TNIK: variants seen among roughly 807,000 people sequenced by gnomAD.
TNIK encodes TRAF2 and NCK-interacting protein kinase.
A neutral mutation model predicts 191.3 loss-of-function variants in TNIK; 49 were observed. The ratio of observed to expected loss-of-function variants is 0.26; its 90% confidence interval spans 0.20 to 0.32. The LOEUF (loss-of-function observed/expected upper bound fraction) is 0.32, where lower values mean the gene tolerates loss of function less well. Among genes scored for constraint, TNIK ranks in the 10% least tolerant of loss-of-function variants. TNIK has a pLI of 1.00. For synonymous variants in TNIK, 594 were observed against 600.9 expected, an observed-to-expected ratio of 0.99 and a Z score of 0.17; for missense variants, 1,155 against 1,702.3, an observed-to-expected ratio of 0.68 and a Z score of 5.66.
At chr3:171,119,220 A>G (rs1727272958) in intron 18 of TNIK, among the ~76,000 whole-genome samples, 1 of 152,246 alleles carries the variant, frequency 6.6e-6, no homozygotes, top group Admixed American at 6.5e-5. Flanking sequence ...CATCAGAGAA[A>G]TGCAAATCAA....
chr3:171,065,877 T>C (rs1718377817), intron 32 of TNIK, among the ~76,000 whole-genome samples: 1 of 152,218 alleles, frequency 6.6e-6, no homozygotes, highest in African/African-American at 2.4e-5. Flanking sequence ...GTGAGATGAT[T>C]AATGATGGGC....
Position 171,061,605 on chromosome 3 carries a change from A to T in TNIK, c.*2276T>A, listed in dbSNP as rs1027423021. On this transcript the variant is annotated 3_prime_UTR_variant, in exon 33 of 33. Coordinates refer to ENST00000436636, the MANE Select transcript of TNIK (RefSeq NM_015028.4). Reference sequence around the variant, plus strand: ...TCAAACTTATCACTTAGAAATAAAAACAAAACAAAACATAAAAACAAAGAT... The same window carrying T: ...TCAAACTTATCACTTAGAAATAAAATCAAAACAAAACATAAAAACAAAGAT... 6.6e-6 allele frequency: 1 copy of T among 152,252 alleles called. No individual in the cohort carries two copies. Among genetic ancestry groups the T allele is most frequent in the Non-Finnish European group, 1.5e-5 (1 of 68,050 alleles). 9.4% of individuals were successfully genotyped at this position (152,252 alleles called of 1,614,324 possible).
intron 28 of TNIK, among the ~76,000 whole-genome samples, chr3:171,077,144 A>C (rs1720074967): frequency 6.9e-6 from 1 of 144,636 alleles, no homozygotes; most frequent in South Asian, 2.3e-4. Flanking sequence ...TCTGCTGATA[A>C]ATGCCCTTCA....
chr3:171,131,061 G>A (rs1729167095), intron 15 of TNIK, among the ~76,000 whole-genome samples: 1 of 144,048 alleles, frequency 6.9e-6, no homozygotes, highest in Non-Finnish European at 1.5e-5. Context: ...GGCCACAGGG[G>A]GCCCTAAAGC....
chr3:171,278,542 C>T (rs1482359391), intron 2 of TNIK, among the ~76,000 whole-genome samples: 2 of 152,082 alleles, frequency 1.3e-5, no homozygotes, highest in East Asian at 1.9e-4. Flanking sequence ...AGTCTGAATG[C>T]CATGACCTTG....
At position 171,069,001 on chromosome 3, in the gene TNIK, T is replaced by C; in HGVS notation, c.3550-4A>G. On this transcript the variant is annotated splice_polypyrimidine_tract_variant and splice_region_variant and intron_variant, in intron 29 of 32. Transcript: ENST00000436636. ...TGTGCTGGAGATCTGCAAAAGACTT[T>C]AAAAATCACCCCATTAGTATCCGCA... 1 of 1,610,692 alleles carries C rather than the reference T, an allele frequency of 6.2e-7. No individual in the cohort carries two copies. The highest frequency in any genetic ancestry group is 8.5e-7 in the Non-Finnish European group (1 of 1,178,450).
Position 171,285,461 on chromosome 3 carries a change from G to A in TNIK, c.124-57240C>T, listed in dbSNP as rs996689639. On this transcript the variant is annotated intron_variant, in intron 2 of 32. Transcript: ENST00000436636. ...AGAGTGGAAACTGATGAGCTTTTCC[G>A]AAGTAGAGCTGGATCCTAATGCCAG... Among the ~76,000 whole-genome samples, 8 of 152,278 alleles carry A rather than the reference G, an allele frequency of 5.3e-5. No individual in the cohort carries two copies. In the East Asian group the frequency reaches 9.7e-4, roughly 18 times the overall value.
chr3:171,230,896 C>T (rs1428306228), intron 2 of TNIK, among the ~76,000 whole-genome samples: 1 of 152,154 alleles, frequency 6.6e-6, no homozygotes, highest in Non-Finnish European at 1.5e-5. Context: ...CAAATAAAAC[C>T]TTAAGTGAAC....
chr3:171,222,042 C>A (rs1480909177), intron 3 of TNIK, among the ~76,000 whole-genome samples: 2 of 152,094 alleles, frequency 1.3e-5, no homozygotes, highest in Non-Finnish European at 2.9e-5. Context: ...AGATATATCC[C>A]ATTTAAGTCC....
intron 1 of TNIK, among the ~76,000 whole-genome samples, chr3:171,383,860 T>C (rs988509581): frequency 3.9e-5 from 6 of 152,112 alleles, no homozygotes; most frequent in Non-Finnish European, 8.8e-5. Flanking sequence ...CCAGTGCACA[T>C]TTCCTGAGCA....
intron 17 of TNIK, among the ~76,000 whole-genome samples, chr3:171,125,635 A>T (rs1163715647): frequency 6.6e-6 from 1 of 152,376 alleles, no homozygotes; most frequent in Middle Eastern, 3.4e-3. Flanking sequence ...GCAAAATGAC[A>T]GTTTGGAATA....
chr3:171,094,990 A>G (rs1259088287), intron 22 of TNIK, among the ~76,000 whole-genome samples: 3 of 152,192 alleles, frequency 2.0e-5, no homozygotes, highest in Non-Finnish European at 4.4e-5. Flanking sequence ...CATGGGCTTT[A>G]TGCTTCTATA....
intron 1 of TNIK, among the ~76,000 whole-genome samples, chr3:171,429,423 G>T (rs560224656): frequency 9.2e-5 from 14 of 152,314 alleles, no homozygotes; most frequent in African/African-American, 3.1e-4. Flanking sequence ...GAAGAAGGGA[G>T]AGAGAGCAAA....
At chr3:171,212,722 T>A (rs1740985880) in intron 3 of TNIK, among the ~76,000 whole-genome samples, 1 of 152,174 alleles carries the variant, frequency 6.6e-6, no homozygotes, top group Non-Finnish European at 1.5e-5. Context: ...CACCAAGCAG[T>A]GCCTGTGAAT....
In TNIK at chr3:171,209,064, GGTGTGTGTGTGT is replaced by G. The variant is rs61264225; in HGVS notation, c.306+2040_306+2051del. Among the ~76,000 whole-genome samples, 5 of 142,118 alleles carry G rather than the reference GGTGTGTGTGTGT, an allele frequency of 3.5e-5. No homozygotes were observed. The South Asian group carries it at 9.4e-4, about 27-fold the overall frequency. The allele number at this position is 142,118 out of a possible 152,430, so 93.2% of individuals were successfully genotyped here. A position where few individuals can be genotyped will look rare whatever the true frequency, so the allele number is the denominator to read the frequency against. On this transcript the variant is annotated intron_variant, in intron 4 of 32. Transcript: ENST00000436636. The stretch of plus-strand genomic sequence containing the variant: ...AAAGTAAGGTGTTTGCTTTGGAAGG[GGTGTGTGTGTGT>G]GTGTGTGTGTGTGTGTGTGTGTATG...
intron 2 of TNIK, among the ~76,000 whole-genome samples, chr3:171,346,238 A>C (rs982620114): frequency 2.6e-5 from 4 of 152,224 alleles, no homozygotes; most frequent in African/African-American, 9.6e-5. Flanking sequence ...CAATCTATGC[A>C]GAATTGAGTC....
intron 15 of TNIK, 55 bp downstream of exon 15, chr3:171,138,136 A>T (rs1560166917): frequency 2.7e-6 from 4 of 1,463,242 alleles, no homozygotes; most frequent in Admixed American, 2.6e-5. Flanking sequence ...TATCACACAA[A>T]CTCATTAGAG....
At chr3:171,254,902 G>A (rs1024427404) in intron 2 of TNIK, among the ~76,000 whole-genome samples, 6 of 152,166 alleles carry the variant, frequency 3.9e-5, no homozygotes, top group Non-Finnish European at 7.3e-5. Flanking sequence ...CAAGATAAAC[G>A]TTATAATTTG....
At chr3:171,306,108 A>G (rs1753420434) in intron 2 of TNIK, among the ~76,000 whole-genome samples, 1 of 152,208 alleles carries the variant, frequency 6.6e-6, no homozygotes, top group Non-Finnish European at 1.5e-5. Context: ...AAACTAACAC[A>G]GGAACAGGAA....
Sources: gnomAD v4.1 joint callset for allele counts (sites outside exome capture counted in the v4.1 genomes callset) on GRCh38, gnomAD v4.1.1 for gene constraint, MANE v1.5 for transcripts, NCBI Gene and HGNC (gene_info 2026-07-23, HGNC 2026-07-21) for gene names.